ZNF585B: variants seen among roughly 807,000 people sequenced by gnomAD.
ZNF585B encodes the protein zinc finger protein 585B, also known as zinc finger protein 41-like protein.
Under a neutral mutation model 14.0 loss-of-function variants are expected in ZNF585B, and 7 were observed. That is an observed-to-expected ratio of 0.50 (90% CI 0.28 to 0.94). The LOEUF is 0.94. ZNF585B is among the 40% of genes least tolerant of loss of function. The probability of loss-of-function intolerance (pLI) is 0.09; values close to 1 mark genes in which losing one functional copy is unlikely to be tolerated. For missense variants in ZNF585B, 750 were observed against 924.4 expected (o/e 0.81, Z 2.45); for synonymous variants, 290 against 317.3 (o/e 0.91, Z 0.91).
In ZNF585B at chr19:37,185,240, C is replaced by T. The variant is rs1972318841; in HGVS notation, c.2297G>A (p.Ser766Asn). Reference sequence around the variant, plus strand: ...ACACTGTTTCTCTCAAGCGTGGCTGCTCTGATGAACACTGAACACTGATTT... The same window carrying T: ...ACACTGTTTCTCTCAAGCGTGGCTGTTCTGATGAACACTGAACACTGATTT... ...VQKSVFSVHQSSHA is the reference protein window; with the variant it reads ...VQKSVFSVHQNSHA Residue 766 changes from serine to asparagine, a missense_variant, in exon 5 of 5, where the codon AGC becomes AAC. This residue lies in a region of ZNF585B where 233 missense variants were observed against 354.1 expected (regional missense o/e 0.66). Coordinates refer to ENST00000532828, the MANE Select transcript of ZNF585B (RefSeq NM_152279.4). 19 of 1,612,574 alleles carry T rather than the reference C, an allele frequency of 1.2e-5. No individual in the cohort carries two copies. The highest frequency in any genetic ancestry group is 1.6e-5 in the Non-Finnish European group (19 of 1,178,956).
chr19:37,198,008 A>G (rs1266236276), intron 2 of ZNF585B, among the ~76,000 whole-genome samples: 1 of 152,132 alleles, frequency 6.6e-6, no homozygotes, highest in African/African-American at 2.4e-5. Flanking sequence ...GGTGCCAGGA[A>G]TGTGTAGAGA....
rs1217680690 is a variant in ZNF585B at position 37,183,926 on chromosome 19, CAAGTA to C, written c.*1296_*1300del. The C allele has an allele frequency of 1.4e-5, 2 of 148,060 alleles. No homozygotes were observed. Among genetic ancestry groups the C allele is most frequent in the Non-Finnish European group, 3.0e-5 (2 of 67,220 alleles). The allele number at this position is 148,060 out of a possible 1,614,324, so 9.2% of individuals were successfully genotyped here. On this transcript the variant is annotated 3_prime_UTR_variant, in exon 5 of 5. Transcript: ENST00000532828. ...AAAATGCTGGGCTTCAACTCAGTCA[CAAGTA>C]AATTAAAAAAAAAAAAGAGGCAGGC...
rs142526301 is a variant in ZNF585B, at chr19:37,185,918, T to G, written c.1619A>C (p.His540Pro). 1 of 1,614,184 alleles carries G rather than the reference T, an allele frequency of 6.2e-7. No individual in the cohort carries two copies. Reference sequence around the variant, plus strand: ...TCTCTCTCCAGTGTGAATTTTCTGATGTATATTAAGATTTGACTTCTGAGT... The same window carrying G: ...TCTCTCTCCAGTGTGAATTTTCTGAGGTATATTAAGATTTGACTTCTGAGT... ...AFTQKSNLNI[H>P]QKIHTGERQY... Residue 540 changes from histidine (H) to proline (P), a missense_variant, in exon 5 of 5, where the codon CAT becomes CCT. His to Pro is a moderately conservative substitution (Grantham distance 77, BLOSUM62 -2). Coordinates refer to ENST00000532828, the MANE Select transcript of ZNF585B (RefSeq NM_152279.4).
intron 2 of ZNF585B, chr19:37,190,375 A>G: frequency 2.3e-6 from 1 of 431,866 alleles, no homozygotes; most frequent in South Asian, 3.0e-5. Flanking sequence ...CCTCCTGAGT[A>G]GCTGGGATTA....
intron 2 of ZNF585B, among the ~76,000 whole-genome samples, chr19:37,203,479 C>CAAAAA (rs35565550): frequency 8.7e-6 from 1 of 114,850 alleles, no homozygotes; most frequent in African/African-American, 3.4e-5. Context: ...GATCTTGTCA[C>CAAAAA]AAAAAAAAAA....
chr19:37,195,926 T>G (rs1972461427), intron 2 of ZNF585B: 1 of 152,332 alleles, frequency 6.6e-6, no homozygotes, highest in African/African-American at 2.4e-5. Flanking sequence ...CTCGGGAGGC[T>G]GAGGCAGGAG....
intron 2 of ZNF585B, among the ~76,000 whole-genome samples, chr19:37,198,744 GAAAAAAA>G (rs61435592): frequency 9.6e-6 from 1 of 104,024 alleles, no homozygotes; most frequent in Non-Finnish European, 2.1e-5. Flanking sequence ...CTCAGAAAAA[GAAAAAAA>G]AAAAAAAAAA....
rs759418081 is a variant in ZNF585B, at chr19:37,185,938, C to T, written c.1599G>A (p.Gln533=). The stretch of plus-strand genomic sequence containing the variant: ...TCTGATGTATATTAAGATTTGACTT[C>T]TGAGTAAAGGCTTTTCCACAAGTAT... ...ECNTCGKAFT[Q]KSNLNIHQKI... is the part of the protein sequence containing the mutation. Residue 533 remains glutamine, a synonymous_variant, in exon 5 of 5, where the codon CAG becomes CAA. Transcript: ENST00000532828. The T allele has an allele frequency of 6.2e-7, 1 of 1,613,920 alleles. No individual in the cohort carries two copies. The highest frequency in any genetic ancestry group is 2.2e-5 in the East Asian group (1 of 44,876).
At chr19:37,209,978 G>A (rs893436389) in intron 1 of ZNF585B, among the ~76,000 whole-genome samples, 1 of 151,854 alleles carries the variant, frequency 6.6e-6, no homozygotes, top group African/African-American at 2.4e-5. Context: ...GTCTCCCAAA[G>A]TGCTGGGATT....
chr19:37,202,555 T>G (rs1486389114), intron 2 of ZNF585B, among the ~76,000 whole-genome samples: 1 of 152,198 alleles, frequency 6.6e-6, no homozygotes, highest in Non-Finnish European at 1.5e-5. Context: ...CTTTAAGGGC[T>G]TCTGTATAAT....
In ZNF585B at chr19:37,187,171, T is replaced by G. The variant is rs1238155248; in HGVS notation, c.366A>C (p.Lys122Asn). ...CATAGGATTTTTCCCCAGAATAAAT[T>G]TTTTGATCTTGAGAGGAAGCTGGTT... is the stretch of plus-strand genomic sequence containing the variant. ...GYKPASSQDQKIYSGEKSYEC... is the reference protein window; with the variant it reads ...GYKPASSQDQNIYSGEKSYEC... The change falls in exon 5 of 5, where the codon AAA becomes AAC. Residue 122 changes from lysine to asparagine, a missense_variant. By Grantham distance (94) the Lys-to-Asn change is moderately conservative (BLOSUM62 0). Coordinates refer to ENST00000532828, the MANE Select transcript of ZNF585B (RefSeq NM_152279.4). 2 of 1,613,652 alleles carry G rather than the reference T, an allele frequency of 1.2e-6. No homozygotes were observed. Among genetic ancestry groups the G allele is most frequent in the Admixed American group, 3.3e-5 (2 of 59,924 alleles).
At chr19:37,195,003 G>A in intron 2 of ZNF585B, among the ~76,000 whole-genome samples, 1 of 152,056 alleles carries the variant, frequency 6.6e-6, no homozygotes, top group East Asian at 1.9e-4. Context: ...ATAACCCACA[G>A]TTAAATGACC....
In ZNF585B at chr19:37,186,133, G is replaced by T; in HGVS notation, c.1404C>A (p.Cys468Ter). The T allele has an allele frequency of 2.5e-6, 4 of 1,614,040 alleles. No individual in the cohort carries two copies. The highest frequency in any genetic ancestry group is 3.4e-6 in the Non-Finnish European group (4 of 1,180,002). ...RIHTGEKPYV[C>*]NKCGKAFTNR... ...TGGTGAATGCCTTCCCACATTTATT[G>T]CATACATAGGGCTTTTCTCCTGTGT... The change falls in exon 5 of 5, where the codon TGC becomes TGA. Residue 468 changes from cysteine to a stop codon, truncating the protein, a stop_gained. Coordinates refer to ENST00000532828, the MANE Select transcript of ZNF585B (RefSeq NM_152279.4). LOFTEE classifies it low-confidence loss of function (END_TRUNC).
intron 2 of ZNF585B, among the ~76,000 whole-genome samples, chr19:37,206,276 AC>A (rs955925403): frequency 6.6e-6 from 1 of 151,640 alleles, no homozygotes; most frequent in Non-Finnish European, 1.5e-5. Context: ...ACACGGAGAA[AC>A]CCCGTCTCTA....
intron 1 of ZNF585B, 108 bp from the exon 2 acceptor site, chr19:37,207,362 A>C: frequency 2.6e-6 from 2 of 780,318 alleles, no homozygotes. Context: ...TGGTTCCCAA[A>C]CGTAGGTATG....
Position 37,187,009 on chromosome 19 carries a change from A to C in ZNF585B, c.528T>G (p.His176Gln), listed in dbSNP as rs754099102. Reference sequence around the variant, plus strand: ...GCTTCTCTCTCATATGGGTTTTCTGATGTGTGATGAATTCTGGCTTCTGTA... The same window carrying C: ...GCTTCTCTCTCATATGGGTTTTCTGCTGTGTGATGAATTCTGGCTTCTGTA... ...AFVQKPEFIT[H>Q]QKTHMREKPY... Residue 176 changes from histidine to glutamine, a missense_variant, in exon 5 of 5, where the codon CAT (histidine) becomes CAG (glutamine). Around this residue, in one of 2 missense-constraint regions of ZNF585B, gnomAD observed 517 missense variants for 570.3 expected, o/e 0.91. Coordinates refer to ENST00000532828, the MANE Select transcript of ZNF585B (RefSeq NM_152279.4). 1 of 1,613,236 alleles carries C rather than the reference A, an allele frequency of 6.2e-7. No homozygotes were observed. The highest frequency in any genetic ancestry group is 8.5e-7 in the Non-Finnish European group (1 of 1,179,770).
chr19:37,203,326 C>T (rs949051106), intron 2 of ZNF585B, among the ~76,000 whole-genome samples: 4 of 151,852 alleles, frequency 2.6e-5, no homozygotes, highest in African/African-American at 9.7e-5. Context: ...AAATGTAGTA[C>T]TTTATTAGCA....
intron 2 of ZNF585B, among the ~76,000 whole-genome samples, chr19:37,192,594 T>C (rs1404378561): frequency 6.7e-6 from 1 of 150,048 alleles, no homozygotes; most frequent in African/African-American, 2.5e-5. Flanking sequence ...GTGGATCACC[T>C]AAGGTCAGGA....
chr19:37,185,626 G>C lies in ZNF585B; in HGVS notation c.1911C>G (p.Ala637=). Residue 637 remains alanine (A), a synonymous_variant, in exon 5 of 5, where the codon GCC becomes GCG. Transcript: ENST00000532828. ...VHTGEKPYVC[A]ECGKAFSGRS... ...TGCCACTAAAGGCTTTCCCACACTCGGCACACACATAGGGTTTCTCTCCTG... is the reference window on the plus strand; with the variant it reads ...TGCCACTAAAGGCTTTCCCACACTCCGCACACACATAGGGTTTCTCTCCTG... 6.2e-7 allele frequency: 1 copy of C among 1,613,246 alleles called. No homozygotes were observed. Among genetic ancestry groups the C allele is most frequent in the Non-Finnish European group, 8.5e-7 (1 of 1,179,822 alleles).
Sources: gnomAD v4.1 joint callset for allele counts (sites outside exome capture counted in the v4.1 genomes callset) on GRCh38, gnomAD v4.1.1 for gene constraint, gnomAD v4.1.1 regional missense constraint, MANE v1.5 for transcripts, NCBI Gene and HGNC (gene_info 2026-07-23, HGNC 2026-07-21) for gene names.